BHLHE40: variants seen among roughly 807,000 people sequenced by gnomAD.
BHLHE40 encodes basic helix-loop-helix family member e40.
Under a neutral mutation model 35.7 loss-of-function variants are expected in BHLHE40, and 3 were observed. The observed-to-expected ratio is 0.08, with a 90% confidence interval of 0.04 to 0.22. BHLHE40 has a LOEUF of 0.22. Ranked by LOEUF, BHLHE40 falls within the 10% of genes least tolerant of loss-of-function variation. The probability of loss-of-function intolerance (pLI) is 1.00; values close to 1 mark genes in which losing one functional copy is unlikely to be tolerated. For missense variants in BHLHE40, 486 were observed against 524.0 expected, an observed-to-expected ratio of 0.93 and a Z score of 0.71; for synonymous variants, 236 against 213.0, an observed-to-expected ratio of 1.11 and a Z score of -0.94.
Position 4,983,071 on chromosome 3 carries a change from C to G in BHLHE40, c.618C>G (p.Ser206Arg). 6.2e-7 allele frequency: 1 copy of G among 1,614,176 alleles called. No homozygotes were observed. The highest frequency in any genetic ancestry group is 8.5e-7 in the Non-Finnish European group (1 of 1,180,030). The stretch of plus-strand genomic sequence containing the variant: ...TGATGGACTTCAAGGAAAAACCCAG[C>G]TCTCCGGCCAAAGGTTCGGAAGGTC... ...PKVMDFKEKP[S>R]SPAKGSEGPG... The change falls in exon 5 of 5, where the codon AGC becomes AGG. Residue 206 changes from serine (S) to arginine (R), a missense_variant. This residue lies in a region of BHLHE40 where 176 missense variants were observed against 180.5 expected (regional missense o/e 0.98). Transcript: ENST00000256495. The surrounding 1 kb of genome is among the most constrained non-coding windows in gnomAD (Gnocchi z 5.0).
intron 4 of BHLHE40, 23 bp downstream of exon 4, chr3:4,981,538 C>T (rs768667009): frequency 1.2e-6 from 2 of 1,612,214 alleles, no homozygotes; most frequent in Non-Finnish European, 1.7e-6. Flanking sequence ...TCTGGCTATG[C>T]TCTCTTTAAG....
At position 4,983,820 on chromosome 3, in the gene BHLHE40, C is replaced by G. The variant is rs1018179368; in HGVS notation, c.*128C>G. 4.2e-6 allele frequency: 5 copies of G among 1,187,626 alleles called. No homozygotes were observed. The African/African-American group carries it at 9.2e-5, about 22-fold the overall frequency. The allele number at this position is 1,187,626 out of a possible 1,614,324, so 73.6% of individuals were successfully genotyped here. ...CTGAGATAATCTGAGGCATGGAGAG[C>G]AGATTCAGGGTGTGTGTGTGTGTGT... On this transcript the variant is annotated 3_prime_UTR_variant, in exon 5 of 5. Transcript: ENST00000256495. The surrounding 1 kb of genome is among the most constrained non-coding windows in gnomAD (Gnocchi z 5.0).
Position 4,979,757 on chromosome 3 carries a change from C to G in BHLHE40, c.39C>G (p.Cys13Trp). The G allele has an allele frequency of 6.3e-7, 1 of 1,584,394 alleles. No homozygotes were observed. The highest frequency in any genetic ancestry group is 8.6e-7 in the Non-Finnish European group (1 of 1,165,370). ...CCAGCGCGCAACCACCCCCCGCCTG[C>G]CTGCCCAAAGCACCGGGACTGGAGC... is the stretch of plus-strand genomic sequence containing the variant. ...RIPSAQPPPACLPKAPGLEHG... is the reference protein window; with the variant it reads ...RIPSAQPPPAWLPKAPGLEHG... Residue 13 changes from cysteine to tryptophan, a missense_variant, in exon 1 of 5, where the codon TGC (cysteine) becomes TGG (tryptophan). Transcript: ENST00000256495.
At position 4,980,397 on chromosome 3, in the gene BHLHE40, C is replaced by G. The variant is rs1166476673; in HGVS notation, c.247C>G (p.Leu83Val). The change falls in exon 3 of 5, where the codon CTC becomes GTC. Residue 83 changes from leucine (L) to valine (V), a missense_variant. This residue lies in a region of BHLHE40 where 176 missense variants were observed against 180.5 expected (regional missense o/e 0.98). Coordinates refer to ENST00000256495, the MANE Select transcript of BHLHE40 (RefSeq NM_003670.3). Reference protein sequence around the residue: ...AQLKDLLPEHLKLTTLGHLEK... With the variant: ...AQLKDLLPEHVKLTTLGHLEK... The stretch of plus-strand genomic sequence containing the variant: ...GCTGAAGGATCTCCTACCCGAACAT[C>G]TCAAACTTACAGTAAGTGAGAAGCT... 1 of 1,613,778 alleles carries G rather than the reference C, an allele frequency of 6.2e-7. No individual in the cohort carries two copies. Among genetic ancestry groups the G allele is most frequent in the Non-Finnish European group, 8.5e-7 (1 of 1,179,724 alleles).
chr3:4,981,173 A>G (rs1042528825), intron 3 of BHLHE40, among the ~76,000 whole-genome samples: 5 of 82,904 alleles, frequency 6.0e-5, no homozygotes, highest in Non-Finnish European at 8.8e-5. Context: ...ATATATATAT[A>G]TTATATATAT....
At chr3:4,979,900 C>T (rs781621490) in intron 1 of BHLHE40, 62 bp from the exon 2 acceptor site, 191 of 1,609,578 alleles carry the variant, frequency 1.2e-4, no homozygotes, top group Non-Finnish European at 1.2e-4. Context: ...GGTTCTTGCC[C>T]GGCAGAACGC....
In BHLHE40 at chr3:4,979,447, C is replaced by A. The variant is rs2053167671; in HGVS notation, c.-272C>A. 1 of 186,948 alleles carries A rather than the reference C, an allele frequency of 5.3e-6. No individual in the cohort carries two copies. The highest frequency in any genetic ancestry group is 2.5e-5 in the African/African-American group (1 of 40,592). 11.6% of individuals were successfully genotyped at this position (186,948 alleles called of 1,614,324 possible). ...CCCGCCCCACTTCTCATTCACTTGG[C>A]TCGCACGGCGCAGACAGACCGCGCA... On this transcript the variant is annotated 5_prime_UTR_variant, in exon 1 of 5. Coordinates refer to ENST00000256495, the MANE Select transcript of BHLHE40 (RefSeq NM_003670.3).
At chr3:4,981,299 T>C (rs1022253962) in intron 3 of BHLHE40, 93 bp from the exon 4 acceptor site, 2 of 1,487,618 alleles carry the variant, frequency 1.3e-6, no homozygotes, top group African/African-American at 1.4e-5. Flanking sequence ...TATTCCACTT[T>C]TTTTTTTCTT....
At chr3:4,981,359 C>T (rs370834947) in intron 3 of BHLHE40, 33 bp from the exon 4 acceptor site, 72 of 1,611,472 alleles carry the variant, frequency 4.5e-5, no homozygotes, top group Non-Finnish European at 5.7e-5. Context: ...ACTTCTCTGA[C>T]CTCACCGCTG....
intron 4 of BHLHE40, 145 bp from the exon 5 acceptor site, chr3:4,982,691 A>G (rs1273162142): frequency 1.1e-6 from 1 of 930,950 alleles, no homozygotes; most frequent in Non-Finnish European, 1.6e-6. Flanking sequence ...TTCTCTGAGC[A>G]TACTACTTTT....
rs1463604009 is a variant in BHLHE40 at position 4,983,852 on chromosome 3, G to GTGTGTGTGTGTGTGTA, written c.*163_*164insGTGTGTGTGTGTATGT. The GTGTGTGTGTGTGTGTA allele has an allele frequency of 2.1e-6, 2 of 951,646 alleles. No homozygotes were observed. The highest frequency in any genetic ancestry group is 3.1e-6 in the Non-Finnish European group (2 of 655,362). The allele number at this position is 951,646 out of a possible 1,614,324, so 59.0% of individuals were successfully genotyped here. On this transcript the variant is annotated 3_prime_UTR_variant, in exon 5 of 5. Transcript: ENST00000256495. This position sits in a 1 kb window ranked among gnomAD's most constrained non-coding sequence, Gnocchi z 5.0. ...AGGGTGTGTGTGTGTGTGTGTGTGT[G>GTGTGTGTGTGTGTGTA]TGTATGTGCGTGTGCGTGCACATGT...
rs1575515261 is a variant in BHLHE40, at chr3:4,983,466, T to C, written c.1013T>C (p.Met338Thr). Residue 338 changes from methionine (M) to threonine (T), a missense_variant, in exon 5 of 5, where the codon ATG becomes ACG. Transcript: ENST00000256495. The surrounding 1 kb of genome is among the most constrained non-coding windows in gnomAD (Gnocchi z 5.0). ...IPPSATAYLPMLEKCWYPTSV... is the reference protein window; with the variant it reads ...IPPSATAYLPTLEKCWYPTSV... ...CCTTCAGCGACTGCCTACCTGCCCA[T>C]GCTGGAGAAGTGCTGGTATCCCACC... 1 of 1,614,158 alleles carries C rather than the reference T, an allele frequency of 6.2e-7. No individual in the cohort carries two copies. The highest frequency in any genetic ancestry group is 2.2e-5 in the East Asian group (1 of 44,876).
chr3:4,983,862 G>GTA lies in BHLHE40; in HGVS notation c.*171_*172insAT. On this transcript the variant is annotated 3_prime_UTR_variant, in exon 5 of 5. Transcript: ENST00000256495. This position sits in a 1 kb window ranked among gnomAD's most constrained non-coding sequence, Gnocchi z 5.0. The stretch of plus-strand genomic sequence containing the variant: ...TGTGTGTGTGTGTGTGTGTATGTGC[G>GTA]TGTGCGTGCACATGTGTGCCTGCGT... 1 of 744,422 alleles carries GTA rather than the reference G, an allele frequency of 1.3e-6. No homozygotes were observed. The allele number at this position is 744,422 out of a possible 1,614,324, so 46.1% of individuals were successfully genotyped here. A position where few individuals can be genotyped will look rare whatever the true frequency, so the allele number is the denominator to read the frequency against.
Position 4,983,813 on chromosome 3 carries a change from T to C in BHLHE40, c.*121T>C. 1.6e-6 allele frequency: 2 copies of C among 1,287,990 alleles called. No homozygotes were observed. The highest frequency in any genetic ancestry group is 2.1e-6 in the Non-Finnish European group (2 of 945,630). 79.8% of individuals were successfully genotyped at this position (1,287,990 alleles called of 1,614,324 possible). A position where few individuals can be genotyped will look rare whatever the true frequency, so the allele number is the denominator to read the frequency against. Reference sequence around the variant, plus strand: ...GTGTATACTGAGATAATCTGAGGCATGGAGAGCAGATTCAGGGTGTGTGTG... The same window carrying C: ...GTGTATACTGAGATAATCTGAGGCACGGAGAGCAGATTCAGGGTGTGTGTG... On this transcript the variant is annotated 3_prime_UTR_variant, in exon 5 of 5. Transcript: ENST00000256495. This position sits in a 1 kb window ranked among gnomAD's most constrained non-coding sequence, Gnocchi z 5.0.
At position 4,983,323 on chromosome 3, in the gene BHLHE40, C is replaced by T. The variant is rs1467494278; in HGVS notation, c.870C>T (p.Asn290=). 2 of 1,614,230 alleles carry T rather than the reference C, an allele frequency of 1.2e-6. No individual in the cohort carries two copies. The highest frequency in any genetic ancestry group is 2.2e-5 in the South Asian group (2 of 91,092). The change falls in exon 5 of 5, where the codon AAC becomes AAT. Residue 290 remains asparagine (N), a synonymous_variant. Transcript: ENST00000256495. This position sits in a 1 kb window ranked among gnomAD's most constrained non-coding sequence, Gnocchi z 5.0. ...CCGAAGAACCCCCCACAAAAAAGAACCGGATGCAGCTTTCGGATGATGAAG... is the reference window on the plus strand; with the variant it reads ...CCGAAGAACCCCCCACAAAAAAGAATCGGATGCAGCTTTCGGATGATGAAG... ...QESEEPPTKK[N]RMQLSDDEGH... is the part of the protein sequence containing the mutation.
chr3:4,980,662 C>A (rs2053185258), intron 3 of BHLHE40, among the ~76,000 whole-genome samples: 1 of 152,178 alleles, frequency 6.6e-6, no homozygotes, highest in Admixed American at 6.5e-5. Context: ...AGTTTAACTT[C>A]TGGTGATTTT....
chr3:4,983,140 C>G lies in BHLHE40; in HGVS notation c.687C>G (p.His229Gln). The part of the protein sequence containing the change: ...CVPVIQRTFA[H>Q]SSGEQSGSDT... ...CAGTCATCCAGCGGACTTTCGCTCA[C>G]TCGAGTGGGGAGCAGAGCGGCAGCG... The change falls in exon 5 of 5, where the codon CAC becomes CAG. Residue 229 changes from histidine (H) to glutamine (Q), a missense_variant. Physicochemically the swap from His to Gln is conservative, Grantham distance 24. Transcript: ENST00000256495. The surrounding 1 kb of genome is among the most constrained non-coding windows in gnomAD (Gnocchi z 5.0). The G allele has an allele frequency of 6.2e-7, 1 of 1,614,114 alleles. No homozygotes were observed. Among genetic ancestry groups the G allele is most frequent in the Non-Finnish European group, 8.5e-7 (1 of 1,179,996 alleles).
intron 2 of BHLHE40, 32 bp downstream of exon 2, chr3:4,980,063 T>G: frequency 6.2e-7 from 1 of 1,609,390 alleles, no homozygotes; most frequent in Non-Finnish European, 8.5e-7. Context: ...GACCCTGCGC[T>G]CAGCCCCTCG....
chr3:4,983,358 C>G lies in BHLHE40; in HGVS notation c.905C>G (p.Thr302Ser), dbSNP rs1453985838. ...CTTTCGGATGATGAAGGCCATTTCA[C>G]TAGCAGTGACCTGATCAGCTCCCCG... ...MQLSDDEGHF[T>S]SSDLISSPFL... is the part of the protein sequence containing the mutation. Residue 302 changes from threonine to serine, a missense_variant, in exon 5 of 5, where the codon ACT (threonine) becomes AGT (serine). Physicochemically the swap from Thr to Ser is moderately conservative, Grantham distance 58 (BLOSUM62 1). Coordinates refer to ENST00000256495, the MANE Select transcript of BHLHE40 (RefSeq NM_003670.3). The surrounding 1 kb of genome is among the most constrained non-coding windows in gnomAD (Gnocchi z 5.0). 2 of 1,614,112 alleles carry G rather than the reference C, an allele frequency of 1.2e-6. No homozygotes were observed. Among genetic ancestry groups the G allele is most frequent in the Non-Finnish European group, 1.7e-6 (2 of 1,180,050 alleles).
Sources: allele counts gnomAD v4.1 joint callset (sites outside exome capture counted in the v4.1 genomes callset), GRCh38; gene constraint gnomAD v4.1.1; regional missense constraint gnomAD v4.1.1; non-coding constraint Gnocchi (gnomAD v3.1); transcripts MANE v1.5; gene names NCBI Gene and HGNC (gene_info 2026-07-23, HGNC 2026-07-21).